ZFAT: variants seen among roughly 807,000 people sequenced by gnomAD.
ZFAT encodes the protein zinc finger and AT-hook domain containing.
In ZFAT, 64 loss-of-function variants were observed where a neutral mutation model predicts 117.7. The ratio of observed to expected loss-of-function variants is 0.54; its 90% CI spans 0.44 to 0.67. The LOEUF (loss-of-function observed/expected upper bound fraction) is 0.67, where lower values mean the gene tolerates loss of function less well. ZFAT is among the 30% of genes least tolerant of loss of function. The pLI, the probability that ZFAT is intolerant of heterozygous loss-of-function variation, is 0.00. For missense variants in ZFAT, 1,433 were observed against 1,584.5 expected (o/e 0.90, Z 1.62); for synonymous variants, 679 against 615.0 (o/e 1.10, Z -1.54).
chr8:134,557,560 A>T (rs1157878704), intron 11 of ZFAT, among the ~76,000 whole-genome samples: 1 of 152,188 alleles, frequency 6.6e-6, no homozygotes, highest in Non-Finnish European at 1.5e-5. Flanking sequence ...GTATATAGAA[A>T]CTCTCTGTAC....
the ZFAT span, among the ~76,000 whole-genome samples, chr8:134,740,774 G>T: frequency 3.3e-5 from 5 of 152,240 alleles, no homozygotes; most frequent in East Asian, 9.7e-4. Context: ...CCTCAGCAGG[G>T]CTAGGCACAG....
chr8:134,719,687 GA>G, the ZFAT span, among the ~76,000 whole-genome samples: 1 of 152,106 alleles, frequency 6.6e-6, no homozygotes, highest in Non-Finnish European at 1.5e-5. Context: ...AACAGAGGCA[GA>G]AAAAAAGCCC....
At chr8:134,618,605 C>T (rs1828901226) in intron 3 of ZFAT, among the ~76,000 whole-genome samples, 1 of 152,198 alleles carries the variant, frequency 6.6e-6, no homozygotes, top group South Asian at 2.1e-4. Flanking sequence ...AACAGAATTT[C>T]TGTCTCCAAT....
Position 134,532,991 on chromosome 8 carries a change from G to A in ZFAT, c.2977-19C>T. On this transcript the variant is annotated intron_variant, in intron 11 of 15. Transcript: ENST00000377838. ...GGAAAGGCTGCGGGGACAATGAGGA[G>A]GGGTTAGGAAAGGTGAGCCCCAGAT... 1.3e-6 allele frequency: 2 copies of A among 1,588,586 alleles called. No individual in the cohort carries two copies. The highest frequency in any genetic ancestry group is 1.8e-5 in the Admixed American group (1 of 56,148).
At chr8:134,503,111 G>C (rs1819117496) in intron 15 of ZFAT, among the ~76,000 whole-genome samples, 1 of 152,230 alleles carries the variant, frequency 6.6e-6, no homozygotes, top group Admixed American at 6.5e-5. Context: ...GTTCCTACTA[G>C]ACATCTACTC....
intron 2 of ZFAT, among the ~76,000 whole-genome samples, chr8:134,648,507 A>G (rs903162836): frequency 6.6e-6 from 1 of 152,118 alleles, no homozygotes; most frequent in South Asian, 2.1e-4. Flanking sequence ...AAAAATCAAA[A>G]TAATTATTAG....
At chr8:134,654,987 C>G (rs531368681) in intron 2 of ZFAT, among the ~76,000 whole-genome samples, 4 of 152,340 alleles carry the variant, frequency 2.6e-5, no homozygotes, top group East Asian at 1.9e-4. Flanking sequence ...AAAAGTGTTC[C>G]TCAGGGTGAC....
intron 10 of ZFAT, among the ~76,000 whole-genome samples, chr8:134,574,569 A>C (rs1243277507): frequency 6.6e-6 from 1 of 151,910 alleles, no homozygotes; most frequent in Non-Finnish European, 1.5e-5. Context: ...TTAAAACGTC[A>C]CCTTCAGCTT....
At chr8:134,605,464 T>C (rs1827813571) in intron 5 of ZFAT, among the ~76,000 whole-genome samples, 1 of 150,152 alleles carries the variant, frequency 6.7e-6, no homozygotes. Context: ...GAGAATGGCG[T>C]GAACCCAGGG....
chr8:134,738,313 C>T, the ZFAT span, among the ~76,000 whole-genome samples: 1 of 152,238 alleles, frequency 6.6e-6, no homozygotes, highest in East Asian at 1.9e-4. Context: ...GCGGCTGTCC[C>T]AACTCATGAG....
At chr8:134,693,877 C>G (rs1047087620) in intron 1 of ZFAT, among the ~76,000 whole-genome samples, 53 of 152,200 alleles carry the variant, frequency 3.5e-4, no homozygotes, top group African/African-American at 1.3e-3. Context: ...CTGACCTTCT[C>G]AAATATGTAG....
the ZFAT span, among the ~76,000 whole-genome samples, chr8:134,810,562 T>G: frequency 1.3e-5 from 2 of 152,212 alleles, no homozygotes; most frequent in South Asian, 2.1e-4. Flanking sequence ...TTTATACTGT[T>G]TCCTGGAAGA....
chr8:134,550,562 C>A (rs922275472), intron 11 of ZFAT, among the ~76,000 whole-genome samples: 10 of 152,200 alleles, frequency 6.6e-5, no homozygotes, highest in Admixed American at 1.3e-4. Context: ...TTTGTGCAAG[C>A]TTAGAAGACT....
At chr8:134,607,578 C>T (rs547438365) in intron 5 of ZFAT, among the ~76,000 whole-genome samples, 2 of 152,310 alleles carry the variant, frequency 1.3e-5, no homozygotes, top group Admixed American at 1.3e-4. Flanking sequence ...ATCACCAGTG[C>T]CCAGCACATA....
intron 3 of ZFAT, among the ~76,000 whole-genome samples, chr8:134,615,572 C>T (rs543173417): frequency 1.8e-4 from 28 of 152,304 alleles, no homozygotes; most frequent in African/African-American, 6.5e-4. Flanking sequence ...CCTTCCCTGT[C>T]TCACTCTTCT....
At chr8:134,737,774 T>A in the ZFAT span, among the ~76,000 whole-genome samples, 1 of 152,180 alleles carries the variant, frequency 6.6e-6, no homozygotes, top group African/African-American at 2.4e-5. Context: ...GGTGGTGACA[T>A]AAGGCAGGTC....
chr8:134,533,689 G>C (rs1821603812), intron 11 of ZFAT, among the ~76,000 whole-genome samples: 1 of 152,180 alleles, frequency 6.6e-6, no homozygotes, highest in Non-Finnish European at 1.5e-5. Flanking sequence ...TGCCCACCTG[G>C]TCAAGACAAG....
chr8:134,547,658 G>A (rs1166667130), intron 11 of ZFAT, among the ~76,000 whole-genome samples: 1 of 152,198 alleles, frequency 6.6e-6, no homozygotes, highest in Non-Finnish European at 1.5e-5. Flanking sequence ...CTCCACTGAG[G>A]CTTCTTGAAC....
chr8:134,608,697 TG>T, intron 5 of ZFAT, 31 bp downstream of exon 5: 1 of 1,599,438 alleles, frequency 6.3e-7, no homozygotes, highest in South Asian at 1.1e-5. Context: ...ATGCAACCTC[TG>T]GCTGAAGTTA....
Sources: gnomAD v4.1 joint callset for allele counts (sites outside exome capture counted in the v4.1 genomes callset) on GRCh38, gnomAD v4.1.1 for gene constraint, MANE v1.5 for transcripts, NCBI Gene and HGNC (gene_info 2026-07-23, HGNC 2026-07-21) for gene names.